BTBD8: variants seen among roughly 807,000 people sequenced by gnomAD.
BTBD8 encodes the protein BTB/POZ domain-containing protein 8.
Under a neutral mutation model 162.9 loss-of-function variants are expected in BTBD8, and 110 were observed. The observed-to-expected ratio is 0.68, with a 90% CI of 0.58 to 0.79. BTBD8 has a LOEUF of 0.79. Among genes scored for constraint, BTBD8 ranks in the 30% least tolerant of loss-of-function variants. The pLI is 0.00. For missense variants in BTBD8, 1,905 were observed against 2,085.4 expected (o/e 0.91, Z 1.68); for synonymous variants, 667 against 716.1 (o/e 0.93, Z 1.10).
chr1:92,175,360 T>G (rs1266840125), intron 13 of BTBD8, among the ~76,000 whole-genome samples: 1 of 149,228 alleles, frequency 6.7e-6, no homozygotes, highest in Non-Finnish European at 1.5e-5. Flanking sequence ...ATGCCTGTAG[T>G]CCCAGCTACT....
chr1:92,142,684 A>T (rs949628080), intron 7 of BTBD8, among the ~76,000 whole-genome samples: 3 of 152,204 alleles, frequency 2.0e-5, no homozygotes, highest in African/African-American at 7.2e-5. Flanking sequence ...GAGGAGACTG[A>T]TACAGGGCTA....
intron 11 of BTBD8, 97 bp from the exon 12 acceptor site, chr1:92,168,769 G>T (rs1650454052): frequency 8.8e-7 from 1 of 1,133,228 alleles, no homozygotes; most frequent in Non-Finnish European, 1.2e-6. Context: ...TGACATCATT[G>T]ATCTAGCTTA....
At chr1:92,111,549 G>A (rs909673986) in intron 4 of BTBD8, among the ~76,000 whole-genome samples, 3 of 152,030 alleles carry the variant, frequency 2.0e-5, no homozygotes, top group South Asian at 4.2e-4. Flanking sequence ...GTCTTTTTGC[G>A]TTTAGATTAT....
intron 3 of BTBD8, among the ~76,000 whole-genome samples, chr1:92,105,883 C>G (rs1648713387): frequency 6.6e-6 from 1 of 152,192 alleles, no homozygotes; most frequent in Non-Finnish European, 1.5e-5. Flanking sequence ...CTTATTTGGA[C>G]ATGGCCAGAT....
At chr1:92,158,691 G>A (rs959365704) in intron 9 of BTBD8, among the ~76,000 whole-genome samples, 4 of 152,110 alleles carry the variant, frequency 2.6e-5, no homozygotes, top group Non-Finnish European at 5.9e-5. Context: ...GAGAGAGGCT[G>A]TGCATTGTGT....
intron 4 of BTBD8, among the ~76,000 whole-genome samples, chr1:92,110,476 A>G (rs902165356): frequency 6.6e-6 from 1 of 152,202 alleles, no homozygotes; most frequent in African/African-American, 2.4e-5. Context: ...CATGGATTCC[A>G]TTAGTTATGT....
intron 4 of BTBD8, among the ~76,000 whole-genome samples, chr1:92,109,396 T>C (rs991780596): frequency 4.6e-5 from 7 of 152,294 alleles, no homozygotes; most frequent in Admixed American, 1.3e-4. Flanking sequence ...GGCAGGACCC[T>C]GTGACCATTT....
chr1:92,175,505 A>G (rs1195414844), intron 13 of BTBD8, among the ~76,000 whole-genome samples: 1 of 136,378 alleles, frequency 7.3e-6, no homozygotes, highest in African/African-American at 2.7e-5. Context: ...AAAAAGAATG[A>G]CAATATTGGC....
At chr1:92,107,805 C>T (rs1648773363) in intron 3 of BTBD8, 79 bp from the exon 4 acceptor site, 2 of 1,144,872 alleles carry the variant, frequency 1.7e-6, no homozygotes, top group Admixed American at 5.3e-5. Context: ...TGTGGGAAAC[C>T]TCTTGATAAT....
intron 2 of BTBD8, among the ~76,000 whole-genome samples, chr1:92,094,282 A>G (rs1427688517): frequency 1.3e-5 from 2 of 152,238 alleles, no homozygotes; most frequent in African/African-American, 2.4e-5. Context: ...TTGGTGCCTC[A>G]TGTAGTGTCT....
intron 7 of BTBD8, among the ~76,000 whole-genome samples, chr1:92,144,423 A>C (rs1165197859): frequency 6.6e-6 from 1 of 152,144 alleles, no homozygotes; most frequent in Non-Finnish European, 1.5e-5. Context: ...CATTAGCTTC[A>C]CAATCCTGCC....
At chr1:92,179,305 T>C (rs1650817456) in intron 16 of BTBD8, among the ~76,000 whole-genome samples, 2 of 151,858 alleles carry the variant, frequency 1.3e-5, no homozygotes, top group Admixed American at 1.3e-4. Context: ...CTATAATACA[T>C]AAGGAGGAAG....
intron 13 of BTBD8, 132 bp downstream of exon 13, chr1:92,171,592 C>G: frequency 1.7e-6 from 1 of 595,746 alleles, no homozygotes; most frequent in East Asian, 3.4e-5. Flanking sequence ...GAAAATTTTT[C>G]TTTTTCTAAA....
chr1:92,120,348 C>T (rs1376348441), intron 4 of BTBD8, among the ~76,000 whole-genome samples: 6 of 152,174 alleles, frequency 3.9e-5, no homozygotes, highest in African/African-American at 1.2e-4. Flanking sequence ...GGAAGGTCTT[C>T]GGGGCAGTAA....
intron 4 of BTBD8, among the ~76,000 whole-genome samples, chr1:92,121,052 A>G (rs1649194892): frequency 6.6e-6 from 1 of 152,198 alleles, no homozygotes; most frequent in South Asian, 2.1e-4. Flanking sequence ...GGTATGAGCC[A>G]CTGCGCCTGG....
intron 4 of BTBD8, among the ~76,000 whole-genome samples, chr1:92,122,259 A>T (rs1326085403): frequency 9.8e-6 from 1 of 102,158 alleles, no homozygotes; most frequent in Non-Finnish European, 1.8e-5. Context: ...AGCTATTATT[A>T]TTATTATTTT....
At chr1:92,176,389 G>A (rs1227882286) in intron 13 of BTBD8, among the ~76,000 whole-genome samples, 2 of 152,088 alleles carry the variant, frequency 1.3e-5, no homozygotes, top group Admixed American at 6.5e-5. Flanking sequence ...AATAGAAACA[G>A]CCACAGGAGC....
At chr1:92,159,789 T>A (rs555333155) in intron 9 of BTBD8, among the ~76,000 whole-genome samples, 5 of 152,330 alleles carry the variant, frequency 3.3e-5, no homozygotes, top group African/African-American at 1.2e-4. Context: ...AAACATTCTC[T>A]TGTACATAAG....
chr1:92,149,603 A>AC (rs768880097), intron 9 of BTBD8, among the ~76,000 whole-genome samples: 12 of 152,178 alleles, frequency 7.9e-5, no homozygotes, highest in Non-Finnish European at 1.3e-4. Flanking sequence ...GCCAAAAGAG[A>AC]CAATTTTGTG....
Sources: gnomAD v4.1 joint callset for allele counts (sites outside exome capture counted in the v4.1 genomes callset) on GRCh38, gnomAD v4.1.1 for gene constraint, MANE v1.5 for transcripts, NCBI Gene and HGNC (gene_info 2026-07-23, HGNC 2026-07-21) for gene names.